The following DNMT3A variants were observed in gnomAD, a reference collection of about 807,000 sequenced individuals.
The protein encoded by DNMT3A is DNA (cytosine-5)-methyltransferase 3A.
Under a neutral mutation model 117.6 loss-of-function variants are expected in DNMT3A, and 267 were observed. That is an observed-to-expected ratio of 2.27 (90% confidence interval 2.05 to 2.51). The LOEUF is 2.51. Ranked by LOEUF, DNMT3A falls within the 30% of genes most tolerant of loss-of-function variation. DNMT3A has a pLI of 0.00. For synonymous variants in DNMT3A, 432 were observed against 474.8 expected (o/e 0.91, Z 1.17); for missense variants, 1,029 against 1,260.2 (o/e 0.82, Z 2.78).
chr2:25,289,522 A>G (rs2149390353), intron 3 of DNMT3A, among the ~76,000 whole-genome samples: 1 of 152,296 alleles, frequency 6.6e-6, no homozygotes, highest in Non-Finnish European at 1.5e-5. Context: ...GGGGAGCTGG[A>G]GCGATACTCG....
In DNMT3A at chr2:25,282,196, G is replaced by T; in HGVS notation, c.448+245C>A. The T allele has an allele frequency of 4.1e-6, 5 of 1,223,434 alleles. No individual in the cohort carries two copies. Among genetic ancestry groups the T allele is most frequent in the South Asian group, 2.9e-5 (1 of 34,118 alleles). The allele number at this position is 1,223,434 out of a possible 1,614,324, so 75.8% of individuals were successfully genotyped here. On this transcript the variant is annotated intron_variant, in intron 4 of 22. Coordinates refer to ENST00000321117, the MANE Select transcript of DNMT3A (RefSeq NM_022552.5). The surrounding 1 kb of genome is among the most constrained non-coding windows in gnomAD (Gnocchi z 5.2). ...AGAAGCCAAAACTCCAGATTTTTAT[G>T]TGAAATTTTTTGATTTTTAAATACT... is the stretch of plus-strand genomic sequence containing the variant.
intron 5 of DNMT3A, 43 bp from the exon 6 acceptor site, chr2:25,275,130 G>T: frequency 6.6e-7 from 1 of 1,516,370 alleles, no homozygotes; most frequent in South Asian, 1.2e-5. Context: ...GGTGGGCACT[G>T]ACGGACCCAC....
chr2:25,249,195 C>T (rs1675225672), intron 6 of DNMT3A, among the ~76,000 whole-genome samples: 1 of 152,132 alleles, frequency 6.6e-6, no homozygotes, highest in Non-Finnish European at 1.5e-5. Flanking sequence ...AGTTCAAGAC[C>T]AGCCTGGGCA....
chr2:25,245,996 A>C, intron 12 of DNMT3A, 24 bp downstream of exon 12: 2 of 1,613,804 alleles, frequency 1.2e-6, no homozygotes, highest in Non-Finnish European at 1.7e-6. Flanking sequence ...TAGGAGTGCC[A>C]GAGTTCCCAG....
intron 3 of DNMT3A, among the ~76,000 whole-genome samples, chr2:25,292,269 G>C (rs2032813766): frequency 1.3e-5 from 2 of 152,076 alleles, no homozygotes; most frequent in African/African-American, 2.4e-5. Context: ...AGAATTGTTT[G>C]AACCCGGGAG....
intron 19 of DNMT3A, 77 bp from the exon 20 acceptor site, chr2:25,239,292 C>T: frequency 1.5e-6 from 2 of 1,326,808 alleles, no homozygotes; most frequent in Non-Finnish European, 2.1e-6. Context: ...GGGGTCGAGC[C>T]TTAAAGCCTC....
At position 25,275,056 on chromosome 2, in the gene DNMT3A, C is replaced by G; in HGVS notation, c.524G>C (p.Gly175Ala). The G allele has an allele frequency of 1.3e-6, 2 of 1,599,508 alleles. No homozygotes were observed. Among genetic ancestry groups the G allele is most frequent in the South Asian group, 1.1e-5 (1 of 89,150 alleles). The change falls in exon 6 of 23, where the codon GGC becomes GCC. Residue 175 changes from glycine (G) to alanine (A), a missense_variant. Coordinates refer to ENST00000321117, the MANE Select transcript of DNMT3A (RefSeq NM_022552.5). ...CCGCTGACGGAGGCTGGACTCCCAG[C>G]CCAAGCCACCCCGCAGCCGGCCCCG... ...GSRGRLRGGL[G>A]WESSLRQRPM...
chr2:25,319,221 A>G (rs1196774716), intron 1 of DNMT3A, among the ~76,000 whole-genome samples: 2 of 151,836 alleles, frequency 1.3e-5, no homozygotes, highest in South Asian at 2.1e-4. Context: ...TCACCATGTT[A>G]GCCAGGATGG....
Position 25,234,265 on chromosome 2 carries a change from T to C in DNMT3A, c.*14A>G, listed in dbSNP as rs754137443. On this transcript the variant is annotated 3_prime_UTR_variant, in exon 23 of 23. Transcript: ENST00000321117. This position sits in a 1 kb window ranked among gnomAD's most constrained non-coding sequence, Gnocchi z 4.5. ...TTAACTTTGTGTCGCTACCTCAGTT[T>C]GCCCCCATGTCCCTTACACACACGC... is the stretch of plus-strand genomic sequence containing the variant. 5 of 1,597,250 alleles carry C rather than the reference T, an allele frequency of 3.1e-6. No homozygotes were observed. In the South Asian group the frequency reaches 4.5e-5, roughly 14 times the overall value.
intron 1 of DNMT3A, among the ~76,000 whole-genome samples, chr2:25,322,040 T>C (rs1573494915): frequency 1.3e-5 from 2 of 152,324 alleles, no homozygotes; most frequent in East Asian, 1.9e-4. Context: ...ATCAAAAATA[T>C]GCACTTTACT....
rs2032974818 is a variant in DNMT3A, at chr2:25,294,529, T to C, written c.177+5610A>G. Among the ~76,000 whole-genome samples the C allele has an allele frequency of 6.6e-6, 1 of 151,912 alleles. No individual in the cohort carries two copies. Among genetic ancestry groups the C allele is most frequent in the African/African-American group, 2.4e-5 (1 of 41,326 alleles). ...GTCAGGAAGTTATATGCATAAAAGG[T>C]AGGGGCACCATATCACCCAGCCGAG... On this transcript the variant is annotated intron_variant, in intron 3 of 22. Transcript: ENST00000321117. The surrounding 1 kb of genome is among the most constrained non-coding windows in gnomAD (Gnocchi z 4.7).
chr2:25,247,210 C>CA lies in DNMT3A; in HGVS notation c.1015-53dup, dbSNP rs758991041. ...GCCGAGGCTTACACTTGCAAGCACC[C>CA]ACCCCATGCCTTGCAACTGGCAGGG... On this transcript the variant is annotated intron_variant, in intron 8 of 22. Transcript: ENST00000321117. This position sits in a 1 kb window ranked among gnomAD's most constrained non-coding sequence, Gnocchi z 5.6. 7.0e-6 allele frequency: 11 copies of CA among 1,567,338 alleles called. No homozygotes were observed. The African/African-American group carries it at 1.5e-4, about 21-fold the overall frequency.
At chr2:25,332,804 T>C (rs1456769081) in intron 1 of DNMT3A, among the ~76,000 whole-genome samples, 1 of 152,192 alleles carries the variant, frequency 6.6e-6, no homozygotes, top group Non-Finnish European at 1.5e-5. Context: ...AGCCTGTGCG[T>C]GGATGGCAAC....
At chr2:25,276,646 C>T (rs1374199295) in intron 4 of DNMT3A, among the ~76,000 whole-genome samples, 2 of 152,246 alleles carry the variant, frequency 1.3e-5, no homozygotes, top group Non-Finnish European at 2.9e-5. Flanking sequence ...GCCCCGGAGG[C>T]TGCGGGGCTG....
rs1672838215 is a variant in DNMT3A at position 25,230,799 on chromosome 2, G to GC, written c.*3479_*3480insG. ...AACTCTCGTCCCTGCAAGGGGGGGGGGGGGGGGGCCATGACCCCTGGGGCA... is the reference window on the plus strand; with the variant it reads ...AACTCTCGTCCCTGCAAGGGGGGGGGCGGGGGGGGCCATGACCCCTGGGGCA... On this transcript the variant is annotated 3_prime_UTR_variant, in exon 23 of 23. Transcript: ENST00000321117. The GC allele has an allele frequency of 6.8e-6, 1 of 146,012 alleles. No homozygotes were observed. The highest frequency in any genetic ancestry group is 6.8e-5 in the Admixed American group (1 of 14,756). The allele number at this position is 146,012 out of a possible 1,614,324, so 9.0% of individuals were successfully genotyped here. A position where few individuals can be genotyped will look rare whatever the true frequency, so the allele number is the denominator to read the frequency against.
rs943043558 is a variant in DNMT3A, at chr2:25,244,310, A to G, written c.1696T>C (p.Leu566=). Residue 566 remains leucine, a synonymous_variant, in exon 15 of 23, where the codon TTG becomes CTG. Transcript: ENST00000321117. ...GCCTGGGCAGCCCCCGGCCCCACCAAGAGGTCCACACACTCCACGCAAAAG... is the reference window on the plus strand; with the variant it reads ...GCCTGGGCAGCCCCCGGCCCCACCAGGAGGTCCACACACTCCACGCAAAAG... ...RCFCVECVDL[L]VGPGAAQAAI... 2 of 1,609,986 alleles carry G rather than the reference A, an allele frequency of 1.2e-6. No homozygotes were observed. The highest frequency in any genetic ancestry group is 1.3e-5 in the African/African-American group (1 of 74,678).
chr2:25,333,683 G>T (rs1050473384), intron 1 of DNMT3A, among the ~76,000 whole-genome samples: 1 of 152,148 alleles, frequency 6.6e-6, no homozygotes, highest in African/African-American at 2.4e-5. Flanking sequence ...AGGGCTTTGT[G>T]GGGGTCACCC....
At chr2:25,251,970 T>A in intron 6 of DNMT3A, 1 of 530,442 alleles carries the variant, frequency 1.9e-6, no homozygotes, top group Non-Finnish European at 3.2e-6. Context: ...CAGGTGCCAC[T>A]GGAGCCCTCG....
Position 25,247,311 on chromosome 2 carries a change from G to A in DNMT3A, c.1015-153C>T. The A allele has an allele frequency of 1.2e-6, 1 of 832,004 alleles. No homozygotes were observed. The highest frequency in any genetic ancestry group is 1.7e-5 in the South Asian group (1 of 57,806). 51.5% of individuals were successfully genotyped at this position (832,004 alleles called of 1,614,324 possible). A position where few individuals can be genotyped will look rare whatever the true frequency, so the allele number is the denominator to read the frequency against. On this transcript the variant is annotated intron_variant, in intron 8 of 22. Transcript: ENST00000321117. The surrounding 1 kb of genome is among the most constrained non-coding windows in gnomAD (Gnocchi z 5.6). ...GATAAATAATTACCCGATGCAAAGA[G>A]GAGTCCAGACCAAGAGTAGGGAAGT...
Sources: allele counts gnomAD v4.1 joint callset (sites outside exome capture counted in the v4.1 genomes callset), GRCh38; gene constraint gnomAD v4.1.1; non-coding constraint Gnocchi (gnomAD v3.1); transcripts MANE v1.5; gene names NCBI Gene and HGNC (gene_info 2026-07-23, HGNC 2026-07-21).